NELL1: variants seen among roughly 807,000 people sequenced by gnomAD.
The protein encoded by NELL1 is protein kinase C-binding protein NELL1.
NELL1 carries 76 observed loss-of-function variants against 107.4 expected under a neutral mutation model. That is an observed-to-expected ratio of 0.71 (90% CI 0.59 to 0.86). NELL1 has a LOEUF of 0.86. NELL1 is among the 40% of genes least tolerant of loss of function. The probability of loss-of-function intolerance (pLI) is 0.00; values close to 1 mark genes in which losing one functional copy is unlikely to be tolerated. For missense variants in NELL1, 1,024 were observed against 1,005.5 expected (o/e 1.02, Z -0.25); for synonymous variants, 353 against 341.2 (o/e 1.03, Z -0.38).
intron 15 of NELL1, among the ~76,000 whole-genome samples, chr11:21,438,839 G>A (rs1388013458): frequency 6.6e-6 from 1 of 151,732 alleles, no homozygotes; most frequent in Non-Finnish European, 1.5e-5. Flanking sequence ...AGGAAGTTAT[G>A]ACTGGTTGAT....
intron 13 of NELL1, among the ~76,000 whole-genome samples, chr11:21,221,463 TA>T (rs2133873014): frequency 6.6e-6 from 1 of 152,302 alleles, no homozygotes; most frequent in East Asian, 1.9e-4. Flanking sequence ...GGTAGTTAAT[TA>T]TTTTCTAAAA....
chr11:21,028,107 A>C (rs142167047), intron 12 of NELL1, among the ~76,000 whole-genome samples: 2,185 of 152,270 alleles, frequency 0.014, 24 homozygotes, highest in Non-Finnish European at 0.023. Flanking sequence ...ACCATGTAAA[A>C]ATCTTGTGTA....
chr11:21,376,804 G>C lies in NELL1; in HGVS notation c.1645+5856G>C, dbSNP rs1400590545. On this transcript the variant is annotated intron_variant, in intron 15 of 19. Coordinates refer to ENST00000357134, the MANE Select transcript of NELL1 (RefSeq NM_006157.5). ...TGTATTTCGAGGTATATTTTTGTGT[G>C]GCTATTGTAAATGGAATTGTGTTCT... Among the ~76,000 whole-genome samples, 3 of 151,736 alleles carry C rather than the reference G, an allele frequency of 2.0e-5. No homozygotes were observed. The East Asian group carries it at 5.9e-4, about 30-fold the overall frequency.
intron 2 of NELL1, 30 bp from the exon 3 acceptor site, chr11:20,783,650 T>G (rs1309295148): frequency 1.3e-6 from 2 of 1,584,642 alleles, no homozygotes; most frequent in Non-Finnish European, 1.7e-6. Context: ...TCCTCTCCTG[T>G]TTCCTCCTGC....
chr11:21,296,485 T>A (rs190731829), intron 14 of NELL1, among the ~76,000 whole-genome samples: 1 of 151,970 alleles, frequency 6.6e-6, no homozygotes, highest in Non-Finnish European at 1.5e-5. Flanking sequence ...AATTTAAAAT[T>A]ATCAATTATA....
chr11:21,297,864 GC>G (rs1399040066), intron 14 of NELL1, among the ~76,000 whole-genome samples: 1 of 151,892 alleles, frequency 6.6e-6, no homozygotes, highest in Non-Finnish European at 1.5e-5. Context: ...TCTCAGATGA[GC>G]CTTGACAAAG....
intron 15 of NELL1, among the ~76,000 whole-genome samples, chr11:21,473,422 G>C (rs1022844769): frequency 6.6e-6 from 1 of 151,920 alleles, no homozygotes; most frequent in Admixed American, 6.6e-5. Context: ...CCAATCTATT[G>C]ATTTGTCCAC....
At chr11:21,225,365 T>G (rs1857867876) in intron 13 of NELL1, among the ~76,000 whole-genome samples, 3 of 152,182 alleles carry the variant, frequency 2.0e-5, no homozygotes, top group Admixed American at 2.0e-4. Context: ...GGCTCTTCTG[T>G]ACCTAGAATT....
intron 17 of NELL1, among the ~76,000 whole-genome samples, chr11:21,567,600 G>A (rs975576063): frequency 6.6e-6 from 1 of 151,762 alleles, no homozygotes; most frequent in Admixed American, 6.6e-5. Flanking sequence ...TATATATGTA[G>A]CTGGCATGTC....
At chr11:21,128,838 A>G (rs947790899) in intron 13 of NELL1, among the ~76,000 whole-genome samples, 12 of 152,200 alleles carry the variant, frequency 7.9e-5, no homozygotes, top group Non-Finnish European at 1.6e-4. Context: ...GGCCTCAAGC[A>G]AACTGTTTAT....
intron 12 of NELL1, among the ~76,000 whole-genome samples, chr11:21,011,812 C>G (rs1852452851): frequency 6.6e-6 from 1 of 152,126 alleles, no homozygotes; most frequent in South Asian, 2.1e-4. Flanking sequence ...TCTCACTGAT[C>G]TTTTGTTCCT....
intron 15 of NELL1, among the ~76,000 whole-genome samples, chr11:21,491,507 T>C (rs1232600588): frequency 6.6e-6 from 1 of 152,164 alleles, no homozygotes; most frequent in East Asian, 1.9e-4. Context: ...CAGATAGTTG[T>C]AGATAAGCGG....
intron 14 of NELL1, among the ~76,000 whole-genome samples, chr11:21,306,309 A>T (rs1346834108): frequency 6.6e-6 from 1 of 152,028 alleles, no homozygotes; most frequent in African/African-American, 2.4e-5. Flanking sequence ...GAGTGGATCA[A>T]TTAAATGGAA....
chr11:21,318,813 T>G (rs1311022615), intron 14 of NELL1, among the ~76,000 whole-genome samples: 1 of 152,016 alleles, frequency 6.6e-6, no homozygotes, highest in Non-Finnish European at 1.5e-5. Flanking sequence ...CTGCTAGGAG[T>G]AAATCAAAAT....
At chr11:20,989,095 T>C (rs1034541858) in intron 12 of NELL1, among the ~76,000 whole-genome samples, 23 of 152,220 alleles carry the variant, frequency 1.5e-4, no homozygotes, top group Admixed American at 3.9e-4. Context: ...CACTTGCCTA[T>C]ACTCATATAG....
chr11:21,255,032 G>A (rs187113417), intron 14 of NELL1, among the ~76,000 whole-genome samples: 5 of 152,178 alleles, frequency 3.3e-5, no homozygotes, highest in Admixed American at 2.6e-4. Flanking sequence ...CTAATTTACA[G>A]GGTAGAATGC....
intron 12 of NELL1, among the ~76,000 whole-genome samples, chr11:21,113,275 C>G (rs1855149091): frequency 1.3e-5 from 2 of 152,066 alleles, no homozygotes; most frequent in Middle Eastern, 6.8e-3. Flanking sequence ...TTAGTGGACA[C>G]AGAACTCCTT....
intron 2 of NELL1, among the ~76,000 whole-genome samples, chr11:20,747,888 T>C (rs1332298489): frequency 6.6e-6 from 1 of 152,190 alleles, no homozygotes; most frequent in Non-Finnish European, 1.5e-5. Context: ...CCTCAAGCTA[T>C]GTGTCTTCAT....
intron 13 of NELL1, among the ~76,000 whole-genome samples, chr11:21,139,407 A>C (rs758414754): frequency 3.3e-5 from 5 of 152,032 alleles, no homozygotes; most frequent in Admixed American, 6.6e-5. Context: ...AAAGGTCTCC[A>C]TTTCAGTGGA....
Sources: allele counts gnomAD v4.1 joint callset (sites outside exome capture counted in the v4.1 genomes callset), GRCh38; gene constraint gnomAD v4.1.1; transcripts MANE v1.5; gene names NCBI Gene and HGNC (gene_info 2026-07-23, HGNC 2026-07-21).